The following MCUR1 variants were observed in gnomAD, a reference collection of about 807,000 sequenced individuals.
MCUR1 encodes the protein mitochondrial calcium uniporter regulator 1, also known as MCU regulator 1.
Under a neutral mutation model 42.0 loss-of-function variants are expected in MCUR1, and 37 were observed. That is an observed-to-expected ratio of 0.88 (90% CI 0.68 to 1.16). The LOEUF (loss-of-function observed/expected upper bound fraction) is 1.16, where lower values mean the gene tolerates loss of function less well. Ranked by LOEUF, MCUR1 falls within the 50% of genes most tolerant of loss-of-function variation. The pLI is 0.00. For missense variants in MCUR1, 469 were observed against 468.4 expected, an observed-to-expected ratio of 1.00 and a Z score of -0.01; for synonymous variants, 229 against 196.2, an observed-to-expected ratio of 1.17 and a Z score of -1.40.
In MCUR1 at chr6:13,814,267, G is replaced by T. The variant is rs990863863; in HGVS notation, c.163C>A (p.Arg55Ser). 4 of 1,477,328 alleles carry T rather than the reference G, an allele frequency of 2.7e-6. No homozygotes were observed. Among genetic ancestry groups the T allele is most frequent in the South Asian group, 1.3e-5 (1 of 78,488 alleles). The allele number at this position is 1,477,328 out of a possible 1,614,324, so 91.5% of individuals were successfully genotyped here. The change falls in exon 1 of 9, where the codon CGC becomes AGC. Residue 55 changes from arginine to serine, a missense_variant. Arg to Ser is a moderately radical substitution (Grantham distance 110). Coordinates refer to ENST00000379170, the MANE Select transcript of MCUR1 (RefSeq NM_001031713.4). The part of the protein sequence containing the change: ...LSDGLGALRP[R>S]APAARGGVSR... The stretch of plus-strand genomic sequence containing the variant: ...ACGCCGCCGCGGGCCGCCGGGGCGC[G>T]AGGGCGCAGCGCCCCCAGACCGTCG...
chr6:13,801,951 G>A lies in MCUR1; in HGVS notation c.639+292C>T, dbSNP rs144122713. 6.0e-3 allele frequency among the ~76,000 whole-genome samples: 914 copies of A among 152,264 alleles called. 8 individuals carry two copies. The highest frequency in any genetic ancestry group is 0.011 in the Non-Finnish European group (757 of 68,024). ...AAAGGGTGGTGATGTGAAGACTCGA[G>A]AACATGATGCTATAATACTACAATT... On this transcript the variant is annotated intron_variant, in intron 3 of 8. Transcript: ENST00000379170.
rs1017566025 is a variant in MCUR1, at chr6:13,788,210, C to T, written c.*2599G>A. ...AGTAAGTTTTAATATTACGTCTAGT[C>T]GGCTCACGGGTGCTTGAGCCAGAAG... On this transcript the variant is annotated 3_prime_UTR_variant, in exon 9 of 9. Coordinates refer to ENST00000379170, the MANE Select transcript of MCUR1 (RefSeq NM_001031713.4). 6 of 152,134 alleles carry T rather than the reference C, an allele frequency of 3.9e-5. No individual in the cohort carries two copies. The highest frequency in any genetic ancestry group is 1.2e-4 in the African/African-American group (5 of 41,430). 9.4% of individuals were successfully genotyped at this position (152,134 alleles called of 1,614,324 possible).
intron 8 of MCUR1, 108 bp from the exon 9 acceptor site, chr6:13,790,972 C>CT: frequency 1.3e-6 from 1 of 750,526 alleles, no homozygotes; most frequent in Non-Finnish European, 2.2e-6. Context: ...ACTTAGATTG[C>CT]TCACTGATGT....
In MCUR1 at chr6:13,790,586, G is replaced by A. The variant is rs1005232369; in HGVS notation, c.*223C>T. 1.9e-5 allele frequency: 6 copies of A among 313,218 alleles called. No individual in the cohort carries two copies. Among genetic ancestry groups the A allele is most frequent in the African/African-American group, 1.4e-4 (6 of 44,302 alleles). 19.4% of individuals were successfully genotyped at this position (313,218 alleles called of 1,614,324 possible). On this transcript the variant is annotated 3_prime_UTR_variant, in exon 9 of 9. Transcript: ENST00000379170. ...CACACCTTAGCCTCCCGAGTAGCTGGGACTACAGGCGCCCGCCACCACGCC... is the reference window on the plus strand; with the variant it reads ...CACACCTTAGCCTCCCGAGTAGCTGAGACTACAGGCGCCCGCCACCACGCC...
rs1373455286 is a variant in MCUR1 at position 13,790,863 on chromosome 6, C to A, written c.1026G>T (p.Gly342=). The change falls in exon 9 of 9, where the codon GGG becomes GGT. Residue 342 remains glycine, a splice_region_variant and synonymous_variant. Coordinates refer to ENST00000379170, the MANE Select transcript of MCUR1 (RefSeq NM_001031713.4). ...CTACTGTTAGGCACGTAAATATAGA[C>A]CCTGTAAGAAAAAAACAATTGAGAG... The part of the protein sequence containing the change: ...HKLDNIKYLA[G]SIFTCLTVAL... 11 of 1,606,356 alleles carry A rather than the reference C, an allele frequency of 6.8e-6. No homozygotes were observed. Among genetic ancestry groups the A allele is most frequent in the South Asian group, 3.3e-5 (3 of 90,498 alleles).
chr6:13,814,518 G>A lies in MCUR1; in HGVS notation c.-89C>T. 2.3e-6 allele frequency: 3 copies of A among 1,315,836 alleles called. No homozygotes were observed. Among genetic ancestry groups the A allele is most frequent in the Non-Finnish European group, 2.9e-6 (3 of 1,030,578 alleles). 81.5% of individuals were successfully genotyped at this position (1,315,836 alleles called of 1,614,324 possible). A position where few individuals can be genotyped will look rare whatever the true frequency, so the allele number is the denominator to read the frequency against. On this transcript the variant is annotated 5_prime_UTR_variant, in exon 1 of 9. Coordinates refer to ENST00000379170, the MANE Select transcript of MCUR1 (RefSeq NM_001031713.4). The stretch of plus-strand genomic sequence containing the variant: ...CGGTCCAGGCCCAGAGTCCGACAGC[G>A]GGAGCGAGCGTGGGCCACAGCGCAG...
chr6:13,799,185 C>T (rs1001160125), intron 5 of MCUR1, among the ~76,000 whole-genome samples: 10 of 150,598 alleles, frequency 6.6e-5, no homozygotes, highest in African/African-American at 2.2e-4. Context: ...GTTGTTGCTG[C>T]CATTTTTTTT....
chr6:13,806,248 T>C (rs1006432124), intron 2 of MCUR1, among the ~76,000 whole-genome samples: 9 of 151,164 alleles, frequency 6.0e-5, no homozygotes, highest in Admixed American at 4.6e-4. Flanking sequence ...CGAGACTCCA[T>C]CTCAAAAAAA....
intron 2 of MCUR1, among the ~76,000 whole-genome samples, chr6:13,802,817 A>G (rs1760020247): frequency 6.6e-6 from 1 of 152,250 alleles, no homozygotes; most frequent in Non-Finnish European, 1.5e-5. Flanking sequence ...TTATTAAAAA[A>G]TAATTTCCTT....
At position 13,814,461 on chromosome 6, in the gene MCUR1, T is replaced by G; in HGVS notation, c.-32A>C. The G allele has an allele frequency of 6.8e-7, 1 of 1,459,902 alleles. No homozygotes were observed. Among genetic ancestry groups the G allele is most frequent in the Non-Finnish European group, 9.0e-7 (1 of 1,116,028 alleles). The allele number at this position is 1,459,902 out of a possible 1,614,324, so 90.4% of individuals were successfully genotyped here. Reference sequence around the variant, plus strand: ...GCAGTTCACTGGCCCGGGCGCGCGCTCATGCCTCTCGCTTTTGGCGCCGGC... The same window carrying G: ...GCAGTTCACTGGCCCGGGCGCGCGCGCATGCCTCTCGCTTTTGGCGCCGGC... On this transcript the variant is annotated 5_prime_UTR_variant, in exon 1 of 9. Transcript: ENST00000379170.
chr6:13,800,874 CAA>C (rs1302495144), intron 4 of MCUR1, among the ~76,000 whole-genome samples: 7 of 152,090 alleles, frequency 4.6e-5, no homozygotes, highest in Admixed American at 2.0e-4. Flanking sequence ...TAAAGAAACA[CAA>C]GAGATATTTC....
Position 13,791,950 on chromosome 6 carries a change from T to A in MCUR1, c.952A>T (p.Ile318Phe), listed in dbSNP as rs113188358. 6.2e-7 allele frequency: 1 copy of A among 1,614,106 alleles called. No individual in the cohort carries two copies. The highest frequency in any genetic ancestry group is 2.2e-5 in the East Asian group (1 of 44,874). Residue 318 changes from isoleucine to phenylalanine, a missense_variant, in exon 8 of 9, where the codon ATC becomes TTC. Ile to Phe is a conservative substitution (Grantham distance 21). Coordinates refer to ENST00000379170, the MANE Select transcript of MCUR1 (RefSeq NM_001031713.4). The stretch of plus-strand genomic sequence containing the variant: ...TTGAGGCCAGCAACCTCAGTTTCGA[T>A]CTTCCTGTCTGTCTGGGTAAGGGCC... ...DRALTQTDRK[I>F]ETEVAGLKTM...
At chr6:13,807,140 T>G in intron 1 of MCUR1, 96 bp from the exon 2 acceptor site, 1 of 1,349,360 alleles carries the variant, frequency 7.4e-7, no homozygotes, top group Non-Finnish European at 1.0e-6. Flanking sequence ...AAAGCCTTCG[T>G]GGTACTTTAT....
At position 13,814,315 on chromosome 6, in the gene MCUR1, G is replaced by T. The variant is rs747319989; in HGVS notation, c.115C>A (p.Arg39Ser). The T allele has an allele frequency of 1.3e-6, 2 of 1,506,308 alleles. No homozygotes were observed. The highest frequency in any genetic ancestry group is 1.8e-6 in the Non-Finnish European group (2 of 1,133,840). The allele number at this position is 1,506,308 out of a possible 1,614,324, so 93.3% of individuals were successfully genotyped here. A position where few individuals can be genotyped will look rare whatever the true frequency, so the allele number is the denominator to read the frequency against. The part of the protein sequence containing the change: ...GRPGGSETSA[R>S]RCLSALSDGL... ...TCGGAGAGCGCAGAGAGGCAGCGGC[G>T]TGCTGAGGTTTCGCTGCCGCCCGGT... Residue 39 changes from arginine (R) to serine (S), a missense_variant, in exon 1 of 9, where the codon CGC (arginine) becomes AGC (serine). Transcript: ENST00000379170.
At position 13,814,229 on chromosome 6, in the gene MCUR1, T is replaced by C. The variant is rs371767736; in HGVS notation, c.201A>G (p.Ser67=). ...GCACTAGCAGGAGGAGGAGCAGCGG[T>C]GAGGCACGTGACACGCCGCCGCGGG... ...PAARGGVSRA[S]PLLLLLLVPS... The change falls in exon 1 of 9, where the codon TCA becomes TCG. Residue 67 remains serine (S), a synonymous_variant. Coordinates refer to ENST00000379170, the MANE Select transcript of MCUR1 (RefSeq NM_001031713.4). The C allele has an allele frequency of 0.035, 51,704 of 1,464,090 alleles. 1,043 individuals carry two copies. The highest frequency in any genetic ancestry group is 0.062 in the Admixed American group (2,473 of 39,718). The allele number at this position is 1,464,090 out of a possible 1,614,324, so 90.7% of individuals were successfully genotyped here. A position where few individuals can be genotyped will look rare whatever the true frequency, so the allele number is the denominator to read the frequency against.
intron 1 of MCUR1, among the ~76,000 whole-genome samples, chr6:13,807,602 G>A (rs1169599736): frequency 6.6e-6 from 1 of 152,156 alleles, no homozygotes. Flanking sequence ...TAGCGATTAC[G>A]AATTACATGG....
At chr6:13,811,680 C>A (rs1760237799) in intron 1 of MCUR1, among the ~76,000 whole-genome samples, 1 of 152,028 alleles carries the variant, frequency 6.6e-6, no homozygotes, top group African/African-American at 2.4e-5. Context: ...TCAGGGAGCT[C>A]GAAAACACCT....
chr6:13,804,291 C>T (rs1173780410), intron 2 of MCUR1: 2 of 139,686 alleles, frequency 1.4e-5, no homozygotes, highest in Non-Finnish European at 2.9e-5. Context: ...CCACTGCACT[C>T]CAGCCTGGAT....
intron 5 of MCUR1, among the ~76,000 whole-genome samples, 170 bp downstream of exon 5, chr6:13,800,171 C>T (rs888294176): frequency 2.6e-5 from 4 of 152,094 alleles, no homozygotes; most frequent in African/African-American, 9.7e-5. Context: ...AACAGTAATT[C>T]ATTCATTGGC....
Sources: allele counts gnomAD v4.1 joint callset (sites outside exome capture counted in the v4.1 genomes callset), GRCh38; gene constraint gnomAD v4.1.1; transcripts MANE v1.5; gene names NCBI Gene and HGNC (gene_info 2026-07-23, HGNC 2026-07-21).